The following KPNA3 variants were observed in gnomAD, a reference collection of about 807,000 sequenced individuals.
The protein encoded by KPNA3 is karyopherin subunit alpha 3.
A neutral mutation model predicts 73.8 loss-of-function variants in KPNA3; 13 were observed. The observed-to-expected ratio is 0.18, with a 90% CI of 0.11 to 0.28. The LOEUF is 0.28. Ranked by LOEUF, KPNA3 falls within the 10% of genes least tolerant of loss-of-function variation. KPNA3 has a pLI of 1.00. For synonymous variants in KPNA3, 186 were observed against 206.9 expected (o/e 0.90, Z 0.87); for missense variants, 360 against 618.1 (o/e 0.58, Z 4.43).
intron 10 of KPNA3, 94 bp downstream of exon 10, chr13:49,719,681 G>C: frequency 2.4e-6 from 2 of 843,542 alleles, no homozygotes; most frequent in Middle Eastern, 2.2e-4. Context: ...GTAGAAACTT[G>C]ACAAGTTGAT....
At position 49,761,890 on chromosome 13, in the gene KPNA3, G is replaced by A. The variant is rs1462759550; in HGVS notation, c.70-14897C>T. 2.8e-5 allele frequency among the ~76,000 whole-genome samples: 4 copies of A among 143,868 alleles called. No homozygotes were observed. In the East Asian group the frequency reaches 6.6e-4, roughly 24 times the overall value. 94.4% of individuals were successfully genotyped at this position (143,868 alleles called of 152,430 possible). On this transcript the variant is annotated intron_variant, in intron 1 of 16. Coordinates refer to ENST00000261667, the MANE Select transcript of KPNA3 (RefSeq NM_002267.4). ...GTGAGGAGCGCCTCTGCCCAGCCAC[G>A]ACTCCGTCTGTGAGGTGAGGAGCGT... is the stretch of plus-strand genomic sequence containing the variant.
At chr13:49,754,714 T>C (rs563177595) in intron 1 of KPNA3, among the ~76,000 whole-genome samples, 1 of 150,712 alleles carries the variant, frequency 6.6e-6, no homozygotes, top group African/African-American at 2.4e-5. Flanking sequence ...ACTACAGACT[T>C]TGCAGACATC....
intron 2 of KPNA3, among the ~76,000 whole-genome samples, chr13:49,743,564 G>C (rs897872396): frequency 2.1e-5 from 3 of 142,920 alleles, no homozygotes; most frequent in Non-Finnish European, 4.6e-5. Context: ...AACTGGAAAG[G>C]AAATAATGTT....
At chr13:49,719,673 A>T in intron 10 of KPNA3, 102 bp downstream of exon 10, 1 of 808,636 alleles carries the variant, frequency 1.2e-6, no homozygotes, top group Non-Finnish European at 2.1e-6. Flanking sequence ...AATACGTTGT[A>T]GAAACTTGAC....
At chr13:49,712,224 C>T (rs1035538881) in intron 10 of KPNA3, among the ~76,000 whole-genome samples, 2 of 152,152 alleles carry the variant, frequency 1.3e-5, no homozygotes, top group Admixed American at 1.3e-4. Context: ...GAAAATAACC[C>T]TTCATACCAA....
chr13:49,725,025 T>TA (rs1300093840), intron 7 of KPNA3, among the ~76,000 whole-genome samples: 3 of 152,264 alleles, frequency 2.0e-5, no homozygotes, highest in Non-Finnish European at 2.9e-5. Flanking sequence ...TACGTGGTGA[T>TA]ATCTAGTACT....
intron 1 of KPNA3, among the ~76,000 whole-genome samples, chr13:49,784,328 GAA>G (rs1954964977): frequency 6.6e-6 from 1 of 152,080 alleles, no homozygotes; most frequent in Non-Finnish European, 1.5e-5. Flanking sequence ...CCACCAGAAG[GAA>G]ACAGACAAAC....
chr13:49,728,802 A>T (rs1428758967), intron 6 of KPNA3, among the ~76,000 whole-genome samples: 3 of 152,190 alleles, frequency 2.0e-5, no homozygotes, highest in Non-Finnish European at 4.4e-5. Context: ...TTTACCAGAG[A>T]GTCTTTCTCC....
intron 1 of KPNA3, among the ~76,000 whole-genome samples, chr13:49,786,573 G>A (rs1057138822): frequency 3.3e-5 from 5 of 152,102 alleles, no homozygotes; most frequent in African/African-American, 4.8e-5. Flanking sequence ...ATATATGAAG[G>A]AGTCTCACTG....
At chr13:49,729,585 C>T (rs1225324561) in intron 6 of KPNA3, among the ~76,000 whole-genome samples, 3 of 152,004 alleles carry the variant, frequency 2.0e-5, no homozygotes, top group Non-Finnish European at 4.4e-5. Flanking sequence ...GAGATCGAGA[C>T]CATCCTGTGA....
intron 1 of KPNA3, among the ~76,000 whole-genome samples, chr13:49,755,196 T>C (rs1484160365): frequency 6.6e-6 from 1 of 152,166 alleles, no homozygotes; most frequent in Non-Finnish European, 1.5e-5. Context: ...ACAAGGCTGG[T>C]TCTGTATTTG....
At chr13:49,724,394 C>T (rs1872369482) in intron 7 of KPNA3, among the ~76,000 whole-genome samples, 2 of 151,944 alleles carry the variant, frequency 1.3e-5, no homozygotes, top group African/African-American at 4.8e-5. Flanking sequence ...AGCTCCGCCT[C>T]CCGGGTTCAC....
intron 1 of KPNA3, among the ~76,000 whole-genome samples, chr13:49,783,206 A>G (rs971281126): frequency 6.6e-6 from 1 of 152,174 alleles, no homozygotes; most frequent in Admixed American, 6.6e-5. Context: ...GTGTCAAAAT[A>G]AAGTAAAATC....
chr13:49,792,368 G>A (rs999416784), intron 1 of KPNA3, 70 bp downstream of exon 1: 2 of 1,103,390 alleles, frequency 1.8e-6, no homozygotes, highest in Non-Finnish European at 2.4e-6. Flanking sequence ...CCCGGCGCCG[G>A]CCCCCCGCCC....
intron 12 of KPNA3, among the ~76,000 whole-genome samples, chr13:49,707,158 C>A (rs910446798): frequency 6.6e-6 from 1 of 152,060 alleles, no homozygotes; most frequent in Non-Finnish European, 1.5e-5. Flanking sequence ...TCAAGTATTC[C>A]ATAAAAATTA....
intron 10 of KPNA3, among the ~76,000 whole-genome samples, chr13:49,719,447 A>G (rs1954334619): frequency 6.6e-6 from 1 of 152,132 alleles, no homozygotes; most frequent in Non-Finnish European, 1.5e-5. Flanking sequence ...TATCTGTTGT[A>G]AGAACCAGTG....
chr13:49,733,115 A>G, intron 2 of KPNA3, 69 bp from the exon 3 acceptor site: 1 of 933,766 alleles, frequency 1.1e-6, no homozygotes, highest in Non-Finnish European at 1.7e-6. Context: ...CATTAAAACT[A>G]CTTCAACTTT....
intron 6 of KPNA3, among the ~76,000 whole-genome samples, chr13:49,729,507 G>A (rs1047451171): frequency 4.6e-5 from 7 of 152,204 alleles, no homozygotes; most frequent in African/African-American, 1.2e-4. Flanking sequence ...ATTTATGGCC[G>A]AGTGCGGTGG....
intron 2 of KPNA3, among the ~76,000 whole-genome samples, chr13:49,734,518 ACT>A (rs1954501613): frequency 6.6e-6 from 1 of 152,178 alleles, no homozygotes; most frequent in Non-Finnish European, 1.5e-5. Context: ...AAATTATTTC[ACT>A]CTTAGATAAA....
Sources: gnomAD v4.1 joint callset for allele counts (sites outside exome capture counted in the v4.1 genomes callset) on GRCh38, gnomAD v4.1.1 for gene constraint, MANE v1.5 for transcripts, NCBI Gene and HGNC (gene_info 2026-07-23, HGNC 2026-07-21) for gene names.